Variants in TMTC2 observed in about 807,000 individuals in gnomAD.
The protein encoded by TMTC2 is transmembrane O-mannosyltransferase targeting cadherins 2.
Under a neutral mutation model 82.4 loss-of-function variants are expected in TMTC2, and 43 were observed. That is an observed-to-expected ratio of 0.52 (90% CI 0.41 to 0.67). TMTC2 has a LOEUF of 0.67. Among genes scored for constraint, TMTC2 ranks in the 30% least tolerant of loss-of-function variants. TMTC2 has a pLI of 0.00. For synonymous variants in TMTC2, 408 were observed against 381.9 expected, an observed-to-expected ratio of 1.07 and a Z score of -0.80; for missense variants, 919 against 1,012.4, an observed-to-expected ratio of 0.91 and a Z score of 1.25.
chr12:83,113,323 T>A (rs1481385710), intron 11 of TMTC2, among the ~76,000 whole-genome samples: 1 of 152,132 alleles, frequency 6.6e-6, no homozygotes, highest in African/African-American at 2.4e-5. Context: ...ACTCAGAAAA[T>A]GTCATTGAGC....
Position 82,856,992 on chromosome 12 carries a change from T to A in TMTC2, c.84-18T>A. ...TCTGTGTTTTACATTTGATTTTTTT[T>A]AACGTTTTGTTTTTTAGCCGTGCTA... On this transcript the variant is annotated intron_variant, in intron 1 of 11. Coordinates refer to ENST00000321196, the MANE Select transcript of TMTC2 (RefSeq NM_152588.3). The A allele has an allele frequency of 1.9e-6, 3 of 1,582,284 alleles. No individual in the cohort carries two copies. Among genetic ancestry groups the A allele is most frequent in the Non-Finnish European group, 2.6e-6 (3 of 1,166,170 alleles).
At chr12:82,781,571 T>G (rs1377838762) in intron 1 of TMTC2, among the ~76,000 whole-genome samples, 2 of 151,992 alleles carry the variant, frequency 1.3e-5, no homozygotes, top group Non-Finnish European at 2.9e-5. Flanking sequence ...ATTGCGATGT[T>G]CTTAGCTGCC....
chr12:82,908,802 CT>C (rs532056086), intron 3 of TMTC2, among the ~76,000 whole-genome samples: 1 of 151,258 alleles, frequency 6.6e-6, no homozygotes, highest in South Asian at 2.1e-4. Context: ...ATAGATGACT[CT>C]TTTTTTTTCC....
At chr12:82,887,180 G>A (rs1040130713) in intron 2 of TMTC2, among the ~76,000 whole-genome samples, 1 of 152,148 alleles carries the variant, frequency 6.6e-6, no homozygotes, top group Non-Finnish European at 1.5e-5. Context: ...TCTCATGATG[G>A]TTTTAATATT....
At position 82,893,125 on chromosome 12, in the gene TMTC2, A is replaced by G. The variant is rs143893350; in HGVS notation, c.655-2693A>G. Among the ~76,000 whole-genome samples, 118 of 152,210 alleles carry G rather than the reference A, an allele frequency of 7.8e-4. 2 individuals carry two copies. The highest frequency in any genetic ancestry group is 2.8e-3 in the African/African-American group (116 of 41,548). On this transcript the variant is annotated intron_variant, in intron 2 of 11. Transcript: ENST00000321196. ...GGTGGCTCACGCCTGTAATCCCAGC[A>G]CTTTGGGAGGCTGAGGCAGGTGGAT...
At position 82,966,956 on chromosome 12, in the gene TMTC2, T is replaced by C; in HGVS notation, c.1907T>C (p.Met636Thr). The C allele has an allele frequency of 1.9e-6, 3 of 1,613,398 alleles. No homozygotes were observed. Among genetic ancestry groups the C allele is most frequent in the Non-Finnish European group, 2.5e-6 (3 of 1,179,486 alleles). ...GTATACAAGGAAGCAATTCAGAAAA[T>C]GCCAAGGCAGTTTGCCCCACAGAGC... is the stretch of plus-strand genomic sequence containing the variant. ...LSVYKEAIQK[M>T]PRQFAPQSLY... The change falls in exon 7 of 12, where the codon ATG (methionine) becomes ACG (threonine). Residue 636 changes from methionine to threonine, a missense_variant. By Grantham distance (81) the Met-to-Thr change is moderately conservative. Transcript: ENST00000321196.
chr12:82,967,331 A>C (rs1020316110), intron 7 of TMTC2, among the ~76,000 whole-genome samples: 2 of 152,132 alleles, frequency 1.3e-5, no homozygotes, highest in Non-Finnish European at 2.9e-5. Flanking sequence ...ATAGTAATAA[A>C]GTATACATTA....
chr12:82,891,776 G>A (rs759654467), intron 2 of TMTC2, among the ~76,000 whole-genome samples: 2 of 152,002 alleles, frequency 1.3e-5, no homozygotes, highest in African/African-American at 2.4e-5. Flanking sequence ...TGTTTTGGCC[G>A]ATACTTTAAA....
chr12:82,989,569 C>T (rs900992996), intron 8 of TMTC2, among the ~76,000 whole-genome samples: 1 of 151,146 alleles, frequency 6.6e-6, no homozygotes, highest in Admixed American at 6.6e-5. Flanking sequence ...TGCACCCCCC[C>T]CAAAAAAAAG....
chr12:82,797,935 ATTTTTTTTTT>A (rs72046660), intron 1 of TMTC2, among the ~76,000 whole-genome samples: 2 of 121,810 alleles, frequency 1.6e-5, no homozygotes, highest in Non-Finnish European at 3.4e-5. Flanking sequence ...AACCACCCTA[ATTTTTTTTTT>A]TTTTTTTTTT....
intron 4 of TMTC2, among the ~76,000 whole-genome samples, chr12:82,954,927 G>A (rs1008859160): frequency 5.9e-5 from 9 of 152,106 alleles, no homozygotes; most frequent in African/African-American, 2.2e-4. Context: ...AATAGAAATG[G>A]TAGGTTAGAC....
At chr12:82,975,308 A>G (rs1008006881) in intron 7 of TMTC2, among the ~76,000 whole-genome samples, 1 of 152,208 alleles carries the variant, frequency 6.6e-6, no homozygotes, top group Non-Finnish European at 1.5e-5. Flanking sequence ...TGTTTTCTAC[A>G]TAAAAATCTC....
intron 2 of TMTC2, among the ~76,000 whole-genome samples, chr12:82,868,883 C>T (rs971729693): frequency 3.9e-5 from 6 of 151,978 alleles, no homozygotes; most frequent in African/African-American, 1.5e-4. Flanking sequence ...TTTCTCACCT[C>T]CTGGAGCGAC....
intron 1 of TMTC2, among the ~76,000 whole-genome samples, chr12:82,815,554 C>A (rs548486604): frequency 2.0e-5 from 3 of 152,102 alleles, no homozygotes; most frequent in East Asian, 1.9e-4. Flanking sequence ...CCTCATGATC[C>A]GCCCACTTCG....
chr12:82,857,461 G>T lies in TMTC2; in HGVS notation c.535G>T (p.Ala179Ser), dbSNP rs142358970. 22 of 1,614,214 alleles carry T rather than the reference G, an allele frequency of 1.4e-5. No homozygotes were observed. The Middle Eastern group carries it at 8.2e-4, about 61-fold the overall frequency. ...CTGGTTCCTGGGGTCAGGACTGTGC[G>T]CAGGATGCAGCATGTTGTGGAAGGA... ...WGWFLGSGLC[A>S]GCSMLWKEQG... The change falls in exon 2 of 12, where the codon GCA (alanine) becomes TCA (serine). Residue 179 changes from alanine to serine, a missense_variant. Coordinates refer to ENST00000321196, the MANE Select transcript of TMTC2 (RefSeq NM_152588.3).
At chr12:82,995,049 C>A (rs1392205458) in intron 8 of TMTC2, among the ~76,000 whole-genome samples, 1 of 152,044 alleles carries the variant, frequency 6.6e-6, no homozygotes, top group Non-Finnish European at 1.5e-5. Flanking sequence ...ATTGACTCTC[C>A]TATCACATAA....
chr12:83,084,585 A>G (rs1027831572), intron 11 of TMTC2, among the ~76,000 whole-genome samples: 8 of 152,242 alleles, frequency 5.3e-5, no homozygotes, highest in African/African-American at 1.7e-4. Flanking sequence ...TAGGATACGA[A>G]TAATGAGCCA....
chr12:83,004,318 A>G (rs1157055091), intron 8 of TMTC2, among the ~76,000 whole-genome samples: 1 of 152,046 alleles, frequency 6.6e-6, no homozygotes, highest in Non-Finnish European at 1.5e-5. Context: ...GTGTGTTGTG[A>G]CTTTCTTCTA....
intron 1 of TMTC2, among the ~76,000 whole-genome samples, chr12:82,729,019 C>T (rs368630480): frequency 7.9e-5 from 12 of 152,364 alleles, no homozygotes; most frequent in African/African-American, 2.6e-4. Context: ...ACCCTGCGGC[C>T]TCCTGCGTGG....
Sources: allele counts gnomAD v4.1 joint callset (sites outside exome capture counted in the v4.1 genomes callset), GRCh38; gene constraint gnomAD v4.1.1; transcripts MANE v1.5; gene names NCBI Gene and HGNC (gene_info 2026-07-23, HGNC 2026-07-21).